DNTT: variants seen among roughly 807,000 people sequenced by gnomAD.
DNTT encodes DNA nucleotidylexotransferase.
DNTT carries 47 observed loss-of-function variants against 60.9 expected under a neutral mutation model. The ratio of observed to expected loss-of-function variants is 0.77; its 90% CI spans 0.61 to 0.98. The LOEUF (loss-of-function observed/expected upper bound fraction) is 0.98. DNTT is among the 50% of genes least tolerant of loss of function. The pLI, the probability that DNTT is intolerant of heterozygous loss-of-function variation, is 0.00. For missense variants in DNTT, 665 were observed against 627.5 expected, an observed-to-expected ratio of 1.06 and a Z score of -0.64; for synonymous variants, 224 against 221.2, an observed-to-expected ratio of 1.01 and a Z score of -0.11.
intron 10 of DNTT, among the ~76,000 whole-genome samples, chr10:96,336,459 T>C (rs1196180471): frequency 6.6e-6 from 1 of 152,208 alleles, no homozygotes; most frequent in East Asian, 1.9e-4. Context: ...TGACTACCCA[T>C]GTCACTCATT....
intron 2 of DNTT, 37 bp from the exon 3 acceptor site, chr10:96,319,225 A>G (rs781778617): frequency 6.2e-7 from 1 of 1,606,264 alleles, no homozygotes; most frequent in East Asian, 2.2e-5. Context: ...ATTACTATTA[A>G]TTTTTATTGA....
At chr10:96,307,837 T>A (rs1293403154) in intron 1 of DNTT, among the ~76,000 whole-genome samples, 1 of 148,156 alleles carries the variant, frequency 6.7e-6, no homozygotes, top group Non-Finnish European at 1.5e-5. Flanking sequence ...AGTGGTGCCA[T>A]CTCGGCTCAC....
At chr10:96,304,775 G>A in intron 1 of DNTT, 75 bp downstream of exon 1, 1 of 1,499,608 alleles carries the variant, frequency 6.7e-7, no homozygotes, top group Non-Finnish European at 9.0e-7. Context: ...CAAGGAACCT[G>A]TGTTTTCTTC....
intron 1 of DNTT, among the ~76,000 whole-genome samples, chr10:96,311,250 T>G (rs529061079): frequency 6.6e-6 from 1 of 152,370 alleles, no homozygotes; most frequent in African/African-American, 2.4e-5. Context: ...AATGACTATT[T>G]AAGTCACTGT....
chr10:96,335,859 T>TTAATAAAATAAA (rs749827247), intron 9 of DNTT, 32 bp from the exon 10 acceptor site: 159 of 1,608,936 alleles, frequency 9.9e-5, no homozygotes, highest in Non-Finnish European at 1.3e-4. Context: ...TCTAGACGTG[T>TTAATAAAATAAA]TAATAATTTA....
intron 10 of DNTT, among the ~76,000 whole-genome samples, chr10:96,336,965 A>G (rs1330731578): frequency 2.0e-5 from 3 of 147,172 alleles, no homozygotes; most frequent in African/African-American, 7.6e-5. Flanking sequence ...AAAAGTAATG[A>G]TCATTTCCCT....
At chr10:96,308,978 A>G (rs78636533) in intron 1 of DNTT, among the ~76,000 whole-genome samples, 8,664 of 152,290 alleles carry the variant, frequency 0.057, 586 homozygotes, top group East Asian at 0.35. Flanking sequence ...CGTGCAGGTC[A>G]CAGGGGATAT....
intron 10 of DNTT, among the ~76,000 whole-genome samples, chr10:96,337,452 A>C (rs1845086630): frequency 6.6e-6 from 1 of 152,258 alleles, no homozygotes; most frequent in South Asian, 2.1e-4. Flanking sequence ...GGATGCTGGC[A>C]GGAAAGCCTC....
intron 4 of DNTT, 42 bp downstream of exon 4, chr10:96,320,830 G>A: frequency 6.2e-7 from 1 of 1,607,844 alleles, no homozygotes. Flanking sequence ...CAATAGGTAG[G>A]TGGGAACGGG....
Position 96,338,267 on chromosome 10 carries a change from A to T in DNTT, c.*43A>T, listed in dbSNP as rs1845096802. 3 of 1,567,154 alleles carry T rather than the reference A, an allele frequency of 1.9e-6. No homozygotes were observed. The South Asian group carries it at 3.5e-5, about 18-fold the overall frequency. ...TTTTTTCCTATTCTTTTCAAGTTAA[A>T]TAAATTATGCTTCATATTAGTAAAA... On this transcript the variant is annotated 3_prime_UTR_variant, in exon 11 of 11. Coordinates refer to ENST00000371174, the MANE Select transcript of DNTT (RefSeq NM_004088.4).
Position 96,320,844 on chromosome 10 carries a change from G to A in DNTT, c.678+56G>A, listed in dbSNP as rs1416425870. The A allele has an allele frequency of 5.6e-6, 9 of 1,597,458 alleles. No individual in the cohort carries two copies. In the Admixed American group the frequency reaches 6.8e-5, roughly 12 times the overall value. ...CCAATAGGTAGGTGGGAACGGGGGAGAGAGGGATGTAGCTAACAGATTTTC... is the reference window on the plus strand; with the variant it reads ...CCAATAGGTAGGTGGGAACGGGGGAAAGAGGGATGTAGCTAACAGATTTTC... On this transcript the variant is annotated intron_variant, in intron 4 of 10. Transcript: ENST00000371174.
chr10:96,316,569 A>G (rs894648501), intron 1 of DNTT, among the ~76,000 whole-genome samples: 17 of 152,164 alleles, frequency 1.1e-4, no homozygotes, highest in Non-Finnish European at 1.9e-4. Flanking sequence ...AGCCACATCT[A>G]CAATTACTTC....
In DNTT at chr10:96,304,584, C is replaced by T. The variant is rs926674843; in HGVS notation, c.87C>T (p.Asp29=). Reference sequence around the variant, plus strand: ...CCTTGATGGCCTCCTCTCCTCAAGACATCAAATTTCAAGATTTGGTCGTCT... The same window carrying T: ...CCTTGATGGCCTCCTCTCCTCAAGATATCAAATTTCAAGATTTGGTCGTCT... ...TGALMASSPQ[D]IKFQDLVVFI... is the part of the protein sequence containing the mutation. The change falls in exon 1 of 11, where the codon GAC becomes GAT. Residue 29 remains aspartate (D), a synonymous_variant. Transcript: ENST00000371174. The T allele has an allele frequency of 1.1e-5, 18 of 1,614,042 alleles. No individual in the cohort carries two copies. The highest frequency in any genetic ancestry group is 1.5e-5 in the Non-Finnish European group (18 of 1,180,022).
At chr10:96,305,531 G>T (rs1844623683) in intron 1 of DNTT, among the ~76,000 whole-genome samples, 1 of 152,200 alleles carries the variant, frequency 6.6e-6, no homozygotes, top group Admixed American at 6.5e-5. Flanking sequence ...GATGGTTCTG[G>T]ATTAAACTGT....
Position 96,324,378 on chromosome 10 carries a change from T to C in DNTT, c.863T>C (p.Met288Thr). The change falls in exon 6 of 11, where the codon ATG (methionine) becomes ACG (threonine). Residue 288 changes from methionine (M) to threonine (T), a missense_variant. Coordinates refer to ENST00000371174, the MANE Select transcript of DNTT (RefSeq NM_004088.4). ...RSDKSLKFTR[M>T]QKAGFLYYED... ...GACAAAAGCCTGAAATTTACACGAA[T>C]GCAGAAAGCAGGTAAATTGTCTCTC... 3.1e-6 allele frequency: 5 copies of C among 1,613,800 alleles called. No individual in the cohort carries two copies. Among genetic ancestry groups the C allele is most frequent in the Middle Eastern group, 1.7e-4 (1 of 6,058 alleles).
At chr10:96,329,052 T>C (rs747699496) in intron 8 of DNTT, among the ~76,000 whole-genome samples, 1 of 152,172 alleles carries the variant, frequency 6.6e-6, no homozygotes, top group African/African-American at 2.4e-5. Context: ...ATACTTACCC[T>C]ATTGCCAACA....
intron 3 of DNTT, 96 bp from the exon 4 acceptor site, chr10:96,320,522 T>G: frequency 1.4e-6 from 2 of 1,405,758 alleles, no homozygotes; most frequent in South Asian, 2.7e-5. Flanking sequence ...GCAAGTGGTA[T>G]TCCAATATTT....
chr10:96,332,136 C>A (rs1011478877), intron 8 of DNTT, among the ~76,000 whole-genome samples: 2 of 152,204 alleles, frequency 1.3e-5, no homozygotes, highest in African/African-American at 4.8e-5. Context: ...TTGCTTCAGC[C>A]TCTCTCATCG....
rs757274244 is a variant in DNTT at position 96,313,167 on chromosome 10, G to A, written c.204-5185G>A. On this transcript the variant is annotated intron_variant, in intron 1 of 10. Transcript: ENST00000371174. ...AACTTAGTCCAAAGCACTAACAATC[G>A]GTCATGGCCAAGAAATTAGGAGAAG... Among the ~76,000 whole-genome samples, 3 of 152,222 alleles carry A rather than the reference G, an allele frequency of 2.0e-5. No individual in the cohort carries two copies. In the South Asian group the frequency reaches 6.2e-4, roughly 32 times the overall value.
Sources: gnomAD v4.1 joint callset for allele counts (sites outside exome capture counted in the v4.1 genomes callset) on GRCh38, gnomAD v4.1.1 for gene constraint, MANE v1.5 for transcripts, NCBI Gene and HGNC (gene_info 2026-07-23, HGNC 2026-07-21) for gene names.